The following ATP5MF variants were observed in gnomAD, a reference collection of about 807,000 sequenced individuals.
ATP5MF encodes the protein ATP synthase F(0) complex subunit f, mitochondrial.
ATP5MF carries 10 observed loss-of-function variants against 13.8 expected under a neutral mutation model. The ratio of observed to expected loss-of-function variants is 0.72; its 90% CI spans 0.45 to 1.23. The LOEUF (loss-of-function observed/expected upper bound fraction) is 1.23, where lower values mean the gene tolerates loss of function less well. Among genes scored for constraint, ATP5MF ranks in the 50% most tolerant of loss-of-function variants. ATP5MF has a pLI of 0.00. For missense variants in ATP5MF, 122 were observed against 118.2 expected (o/e 1.03, Z -0.15); for synonymous variants, 40 against 45.8 (o/e 0.87, Z 0.51).
chr7:99,458,604 A>C (rs1798441521), intron 3 of ATP5MF, among the ~76,000 whole-genome samples: 1 of 152,092 alleles, frequency 6.6e-6, no homozygotes, highest in Non-Finnish European at 1.5e-5. Context: ...CGCTCAGACA[A>C]ACAGCCCCAG....
At chr7:99,459,791 C>T (rs1327048062) in intron 2 of ATP5MF, 10 of 355,694 alleles carry the variant, frequency 2.8e-5, no homozygotes, top group Admixed American at 9.1e-5. Context: ...ATGCCCACTA[C>T]GGTTCCAATT....
Position 99,460,607 on chromosome 7 carries a change from G to A in ATP5MF, c.32-414C>T, listed in dbSNP as rs1584530164. On this transcript the variant is annotated intron_variant, in intron 1 of 3. Transcript: ENST00000292475. ...AGGGGAGGGGGGATAGACTCAGAGA[G>A]GTTGGGCCACGTGACCAAAGTCACA... is the stretch of plus-strand genomic sequence containing the variant. 4 of 475,432 alleles carry A rather than the reference G, an allele frequency of 8.4e-6. 1 individual carries two copies. Among genetic ancestry groups the A allele is most frequent in the South Asian group, 6.0e-5 (4 of 66,386 alleles). 29.5% of individuals were successfully genotyped at this position (475,432 alleles called of 1,614,324 possible).
intron 3 of ATP5MF, 32 bp downstream of exon 3, chr7:99,459,114 GA>G (rs1253523318): frequency 5.9e-6 from 9 of 1,532,442 alleles, no homozygotes; most frequent in Non-Finnish European, 8.1e-6. Flanking sequence ...CCTCTCATGG[GA>G]ACTAAAGGCA....
chr7:99,466,147 A>G lies in ATP5MF; in HGVS notation c.-6T>C, dbSNP rs371315219. 3.8e-5 allele frequency: 61 copies of G among 1,614,122 alleles called. No individual in the cohort carries two copies. In the East Asian group the frequency reaches 3.8e-4, roughly 10 times the overall value. On this transcript the variant is annotated 5_prime_UTR_variant, in exon 1 of 4. Transcript: ENST00000292475. The stretch of plus-strand genomic sequence containing the variant: ...CACTCACCAACTGACGCCATTTTGG[A>G]GTCCTGGTGTCCGCTGTGCCGGACC...
chr7:99,460,393 G>A (rs753693595), intron 1 of ATP5MF, 200 bp from the exon 2 acceptor site: 9 of 726,064 alleles, frequency 1.2e-5, no homozygotes, highest in Admixed American at 4.1e-5. Context: ...TAGCAGAACT[G>A]CTGCAGGGAC....
chr7:99,466,156 G>A lies in ATP5MF; in HGVS notation c.-15C>T, dbSNP rs1336448582. 10 of 1,614,072 alleles carry A rather than the reference G, an allele frequency of 6.2e-6. No individual in the cohort carries two copies. Among genetic ancestry groups the A allele is most frequent in the Non-Finnish European group, 8.5e-6 (10 of 1,180,040 alleles). On this transcript the variant is annotated 5_prime_UTR_variant, in exon 1 of 4. Transcript: ENST00000292475. ...ACTGACGCCATTTTGGAGTCCTGGT[G>A]TCCGCTGTGCCGGACCGCGCGAGGG...
rs553730614 is a variant in ATP5MF, at chr7:99,464,590, G to A, written c.31+1521C>T. 4.2e-4 allele frequency among the ~76,000 whole-genome samples: 64 copies of A among 152,236 alleles called. 2 individuals carry two copies. In the South Asian group the frequency reaches 0.012, roughly 29 times the overall value. ...AGGCAGGAGAATGGCGTGAACCCGG[G>A]AGGCAGAGCTTGCAGTGAGCTGAGA... is the stretch of plus-strand genomic sequence containing the variant. On this transcript the variant is annotated intron_variant, in intron 1 of 3. Coordinates refer to ENST00000292475, the MANE Select transcript of ATP5MF (RefSeq NM_004889.5).
intron 1 of ATP5MF, 127 bp from the exon 2 acceptor site, chr7:99,460,320 T>C (rs1798543831): frequency 2.0e-6 from 2 of 1,003,246 alleles, no homozygotes; most frequent in Non-Finnish European, 3.0e-6. Flanking sequence ...AGGCTGCACA[T>C]ACACAATATT....
chr7:99,459,066 G>A, intron 3 of ATP5MF, 81 bp downstream of exon 3: 1 of 1,055,722 alleles, frequency 9.5e-7, no homozygotes, highest in Non-Finnish European at 1.5e-6. Flanking sequence ...CTCAGAAGAA[G>A]GTGGGCTGCT....
chr7:99,459,107 C>T, intron 3 of ATP5MF, 40 bp downstream of exon 3: 2 of 1,499,804 alleles, frequency 1.3e-6, no homozygotes, highest in South Asian at 2.3e-5. Context: ...CCACCACCCT[C>T]TCATGGGAAC....
chr7:99,465,971 G>A (rs1798855073), intron 1 of ATP5MF, 140 bp downstream of exon 1: 2 of 1,444,640 alleles, frequency 1.4e-6, no homozygotes, highest in Admixed American at 2.1e-5. Context: ...GGCGGAGCGG[G>A]GTCTGGCGCG....
chr7:99,460,448 G>A (rs1169275589), intron 1 of ATP5MF: 5 of 685,940 alleles, frequency 7.3e-6, no homozygotes, highest in African/African-American at 1.7e-5. Flanking sequence ...CTTGCTGGGA[G>A]TAACTCCAGA....
At position 99,466,128 on chromosome 7, in the gene ATP5MF, C is replaced by T. The variant is rs774879106; in HGVS notation, c.14G>A (p.Gly5Asp). The change falls in exon 1 of 4, where the codon GGT becomes GAT. Residue 5 changes from glycine to aspartate, a missense_variant. Physicochemically the swap from Gly to Asp is moderately conservative, Grantham distance 94. Coordinates refer to ENST00000292475, the MANE Select transcript of ATP5MF (RefSeq NM_004889.5). MASV[G>D]ECPAPVPVKD... ...AGCCTTACCTGGGGCCGGACACTCA[C>T]CAACTGACGCCATTTTGGAGTCCTG... The T allele has an allele frequency of 4.3e-6, 7 of 1,614,200 alleles. No individual in the cohort carries two copies. Among genetic ancestry groups the T allele is most frequent in the Non-Finnish European group, 5.9e-6 (7 of 1,180,032 alleles).
At chr7:99,459,545 G>T (rs1798505243) in intron 2 of ATP5MF, 1 of 377,152 alleles carries the variant, frequency 2.7e-6, no homozygotes, top group Non-Finnish European at 4.9e-6. Flanking sequence ...GAGTAGCTGG[G>T]ACTACAGGCA....
rs1217472191 is a variant in ATP5MF, at chr7:99,458,494, C to T, written c.257-139G>A. Reference sequence around the variant, plus strand: ...TGACCCATGACCCGCCTGCCGGTGTCTCTGCAGAATCAGCAGACCCGGGGG... The same window carrying T: ...TGACCCATGACCCGCCTGCCGGTGTTTCTGCAGAATCAGCAGACCCGGGGG... On this transcript the variant is annotated intron_variant, in intron 3 of 3. Coordinates refer to ENST00000292475, the MANE Select transcript of ATP5MF (RefSeq NM_004889.5). 10 of 865,368 alleles carry T rather than the reference C, an allele frequency of 1.2e-5. No homozygotes were observed. The East Asian group carries it at 2.6e-4, about 22-fold the overall frequency. 53.6% of individuals were successfully genotyped at this position (865,368 alleles called of 1,614,324 possible). A position where few individuals can be genotyped will look rare whatever the true frequency, so the allele number is the denominator to read the frequency against.
intron 1 of ATP5MF, among the ~76,000 whole-genome samples, chr7:99,464,111 C>A (rs1302175412): frequency 6.6e-5 from 10 of 152,202 alleles, no homozygotes; most frequent in Non-Finnish European, 1.5e-4. Flanking sequence ...CCAGCTCACA[C>A]CGACTGAGTA....
rs767477996 is a variant in ATP5MF at position 99,466,112 on chromosome 7, T to G, written c.30A>C (p.Pro10=). 6 of 1,614,152 alleles carry G rather than the reference T, an allele frequency of 3.7e-6. No homozygotes were observed. The South Asian group carries it at 6.6e-5, about 18-fold the overall frequency. ...ACCACGGAGTCCAAACAGCCTTACC[T>G]GGGGCCGGACACTCACCAACTGACG... is the stretch of plus-strand genomic sequence containing the variant. MASVGECPA[P]VPVKDKKLLE... is the part of the protein sequence containing the mutation. Residue 10 remains proline (P), a splice_region_variant and synonymous_variant, in exon 1 of 4, where the codon CCA becomes CCC. Transcript: ENST00000292475.
At chr7:99,462,559 G>A (rs1010160231) in intron 1 of ATP5MF, among the ~76,000 whole-genome samples, 2 of 152,100 alleles carry the variant, frequency 1.3e-5, no homozygotes, top group African/African-American at 4.8e-5. Context: ...GGCAGATCAC[G>A]AGGTCAGGAG....
intron 1 of ATP5MF, chr7:99,460,586 G>C: frequency 2.0e-6 from 1 of 499,050 alleles, no homozygotes; most frequent in Non-Finnish European, 4.0e-6. Context: ...TAAAGGAGGG[G>C]AGGGGGGATA....
Sources: allele counts gnomAD v4.1 joint callset (sites outside exome capture counted in the v4.1 genomes callset), GRCh38; gene constraint gnomAD v4.1.1; transcripts MANE v1.5; gene names NCBI Gene and HGNC (gene_info 2026-07-23, HGNC 2026-07-21).